NLRP13: variants seen among roughly 807,000 people sequenced by gnomAD.
NLRP13 encodes the protein NLR family pyrin domain containing 13.
In NLRP13, 82 loss-of-function variants were observed where a neutral mutation model predicts 94.4. The ratio of observed to expected loss-of-function variants is 0.87; its 90% CI spans 0.73 to 1.04. The LOEUF is 1.04. Ranked by LOEUF, NLRP13 falls within the 50% of genes least tolerant of loss-of-function variation. The pLI is 0.00. For synonymous variants in NLRP13, 553 were observed against 464.7 expected, an observed-to-expected ratio of 1.19 and a Z score of -2.45; for missense variants, 1,426 against 1,230.8, an observed-to-expected ratio of 1.16 and a Z score of -2.37.
rs1196383892 is a variant in NLRP13, at chr19:55,912,867, A to T, written c.950T>A (p.Ile317Asn). The change falls in exon 5 of 11, where the codon ATC becomes AAC. Residue 317 changes from isoleucine to asparagine, a missense_variant. Ile to Asn is a moderately radical substitution (Grantham distance 149). Coordinates refer to ENST00000342929, the MANE Select transcript of NLRP13 (RefSeq NM_176810.2). The part of the protein sequence containing the change: ...LFIIDGFEEI[I>N]ISESRSESLD... ...GCTCTCAGAGCGTGACTCAGATATG[A>T]TTATTTCCTCAAAGCCATCAATAAT... 4 of 1,614,064 alleles carry T rather than the reference A, an allele frequency of 2.5e-6. No homozygotes were observed. Among genetic ancestry groups the T allele is most frequent in the Non-Finnish European group, 3.4e-6 (4 of 1,180,044 alleles).
chr19:55,905,043 G>A lies in NLRP13; in HGVS notation c.2517C>T (p.His839=), dbSNP rs28506091. ...DLALFLTSIQ[H]VTRLCLGFNR... is the part of the protein sequence containing the mutation. ...TAAATCCCAGGCACAATCGAGTTAC[G>A]TGTTGGATGCTGGTGAGAAACAAGG... Residue 839 remains histidine, a synonymous_variant, in exon 8 of 11, where the codon CAC becomes CAT. Transcript: ENST00000342929. 0.074 allele frequency: 120,003 copies of A among 1,613,530 alleles called. 4,765 individuals are homozygous for A. The highest frequency in any genetic ancestry group is 0.1 in the Middle Eastern group (630 of 6,058).
Position 55,896,259 on chromosome 19 carries a change from TC to T in NLRP13, c.2958-141del, listed in dbSNP as rs1398431267. The T allele has an allele frequency of 1.1e-4, 94 of 888,384 alleles. No homozygotes were observed. In the East Asian group the frequency reaches 1.7e-3, roughly 16 times the overall value. 55.0% of individuals were successfully genotyped at this position (888,384 alleles called of 1,614,324 possible). A position where few individuals can be genotyped will look rare whatever the true frequency, so the allele number is the denominator to read the frequency against. The stretch of plus-strand genomic sequence containing the variant: ...GGAGCACTTGGCCAGGCACAGTGGC[TC>T]ACGCCTGTAATCCCAGCACTTTGGG... On this transcript the variant is annotated intron_variant, in intron 10 of 10. Coordinates refer to ENST00000342929, the MANE Select transcript of NLRP13 (RefSeq NM_176810.2).
At chr19:55,904,860 T>A (rs1986289708) in intron 8 of NLRP13, 82 bp downstream of exon 8, 2 of 1,149,968 alleles carry the variant, frequency 1.7e-6, no homozygotes, top group Non-Finnish European at 2.4e-6. Flanking sequence ...ATAATATAAA[T>A]AGATATCAAA....
chr19:55,920,504 A>G (rs1246957153), intron 4 of NLRP13, among the ~76,000 whole-genome samples: 2 of 152,140 alleles, frequency 1.3e-5, no homozygotes, highest in East Asian at 3.9e-4. Flanking sequence ...ATAAGCAGAC[A>G]TTTTTTAAAA....
chr19:55,894,583 C>T (rs1430679750), downstream of NLRP13, among the ~76,000 whole-genome samples: 4 of 152,114 alleles, frequency 2.6e-5, no homozygotes, highest in South Asian at 2.1e-4. Context: ...TCAATGGTAC[C>T]GCCTCTGGCA....
chr19:55,904,763 G>A (rs141609734), intron 8 of NLRP13, among the ~76,000 whole-genome samples, 179 bp downstream of exon 8: 125 of 152,234 alleles, frequency 8.2e-4, no homozygotes, highest in African/African-American at 2.6e-3. Flanking sequence ...CTCCAGAGAC[G>A]GGATCAACAA....
intron 3 of NLRP13, 123 bp downstream of exon 3, chr19:55,924,467 A>G (rs1986919063): frequency 1.4e-6 from 1 of 702,918 alleles, no homozygotes; most frequent in Admixed American, 2.5e-5. Context: ...CTAGATGGAA[A>G]GAGTTTTTAA....
At chr19:55,908,011 G>A (rs868283092) in intron 6 of NLRP13, 55 bp from the exon 7 acceptor site, 1 of 1,509,514 alleles carries the variant, frequency 6.6e-7, no homozygotes, top group Non-Finnish European at 9.0e-7. Context: ...TGGTTTCCAG[G>A]ATCCCGTCTG....
rs142324621 is a variant in NLRP13, at chr19:55,926,476, G to A, written c.320-1441C>T. Among the ~76,000 whole-genome samples, 1,269 of 152,300 alleles carry A rather than the reference G, an allele frequency of 8.3e-3. 14 individuals carry two copies. Among genetic ancestry groups the A allele is most frequent in the Non-Finnish European group, 0.01 (697 of 68,028 alleles). On this transcript the variant is annotated intron_variant, in intron 1 of 10. Transcript: ENST00000342929. ...TAGGCATTCCTCCATTCTCTGGTGA[G>A]GCGCACTTATCTGAGTATGTTTTAA...
At chr19:55,896,184 T>A (rs1055249516) in intron 10 of NLRP13, 65 bp from the exon 11 acceptor site, 29 of 1,545,774 alleles carry the variant, frequency 1.9e-5, no homozygotes, top group Non-Finnish European at 2.6e-5. Context: ...AGAAAAGAGA[T>A]ACCACATCTG....
At chr19:55,907,763 T>C in intron 7 of NLRP13, 29 bp downstream of exon 7, 2 of 1,612,254 alleles carry the variant, frequency 1.2e-6, no homozygotes, top group Non-Finnish European at 1.7e-6. Flanking sequence ...GCAACCCCCC[T>C]TGACAGATCT....
intron 6 of NLRP13, among the ~76,000 whole-genome samples, chr19:55,909,287 A>T (rs1339649710): frequency 1.3e-5 from 2 of 152,040 alleles, no homozygotes; most frequent in Admixed American, 1.3e-4. Context: ...TCCTCCTTGG[A>T]TCATATTAGC....
chr19:55,927,342 TG>T lies in NLRP13; in HGVS notation c.320-2308del, dbSNP rs1986990496. 2.9e-5 allele frequency among the ~76,000 whole-genome samples: 4 copies of T among 139,918 alleles called. No homozygotes were observed. In the Admixed American group the frequency reaches 3.1e-4, roughly 11 times the overall value. 91.8% of individuals were successfully genotyped at this position (139,918 alleles called of 152,430 possible). A position where few individuals can be genotyped will look rare whatever the true frequency, so the allele number is the denominator to read the frequency against. On this transcript the variant is annotated intron_variant, in intron 1 of 10. Transcript: ENST00000342929. ...GAGATCATGCCACTGCACTCCAGCCTGGGTGGCAGAGCGAGGCTCCATCTAG... is the reference window on the plus strand; with the variant it reads ...GAGATCATGCCACTGCACTCCAGCCTGGTGGCAGAGCGAGGCTCCATCTAG...
At chr19:55,903,446 G>A (rs145004293) in intron 8 of NLRP13, among the ~76,000 whole-genome samples, 260 of 152,232 alleles carry the variant, frequency 1.7e-3, no homozygotes, top group Non-Finnish European at 3.4e-3. Context: ...CTGCACCAGA[G>A]CAGCACGATG....
At chr19:55,914,679 T>C (rs77346396) in intron 4 of NLRP13, among the ~76,000 whole-genome samples, 10,090 of 152,290 alleles carry the variant, frequency 0.066, 364 homozygotes, top group Middle Eastern at 0.12. Flanking sequence ...GCCTGACTTA[T>C]CTCACTTACC....
chr19:55,923,113 T>C (rs139211345), intron 4 of NLRP13, among the ~76,000 whole-genome samples: 2 of 152,342 alleles, frequency 1.3e-5, no homozygotes, highest in East Asian at 1.9e-4. Context: ...ATAGGGCCAC[T>C]GGTACAAAAA....
rs1480612165 is a variant in NLRP13, at chr19:55,912,586, G to C, written c.1231C>G (p.Gln411Glu). ...AAGAGAGTTTCGTTTTTTCTTAGCT[G>C]CTGCAGGATTTTCTCAACTTCACTT... The part of the protein sequence containing the change: ...DSSEVEKILQ[Q>E]LRKNETLFHS... Residue 411 changes from glutamine to glutamate, a missense_variant, in exon 5 of 11, where the codon CAG becomes GAG. By Grantham distance (29) the Gln-to-Glu change is conservative (BLOSUM62 2). Transcript: ENST00000342929. 2 of 1,614,150 alleles carry C rather than the reference G, an allele frequency of 1.2e-6. No individual in the cohort carries two copies. Among genetic ancestry groups the C allele is most frequent in the Non-Finnish European group, 1.7e-6 (2 of 1,180,030 alleles).
At chr19:55,916,726 A>G (rs1986685371) in intron 4 of NLRP13, among the ~76,000 whole-genome samples, 1 of 152,268 alleles carries the variant, frequency 6.6e-6, no homozygotes, top group South Asian at 2.1e-4. Context: ...ACTACATACA[A>G]TGTTGGAACC....
At chr19:55,892,525 G>T (rs747653029), downstream of NLRP13, among the ~76,000 whole-genome samples, 2 of 152,118 alleles carry the variant, frequency 1.3e-5, no homozygotes, top group Admixed American at 1.3e-4. Context: ...GGGCCCCAGC[G>T]ATTCTCCTGC....
Sources: gnomAD v4.1 joint callset for allele counts (sites outside exome capture counted in the v4.1 genomes callset) on GRCh38, gnomAD v4.1.1 for gene constraint, MANE v1.5 for transcripts, NCBI Gene and HGNC (gene_info 2026-07-23, HGNC 2026-07-21) for gene names.